The following CES5A variants were observed in gnomAD, a reference collection of about 807,000 sequenced individuals.
CES5A encodes the protein carboxylesterase 5.
In CES5A, 67 loss-of-function variants were observed where a neutral mutation model predicts 62.9. The ratio of observed to expected loss-of-function variants is 1.07; its 90% CI spans 0.88 to 1.31. The LOEUF (loss-of-function observed/expected upper bound fraction) is 1.31. Ranked by LOEUF, CES5A falls within the 50% of genes most tolerant of loss-of-function variation. The pLI is 0.00. For synonymous variants in CES5A, 296 were observed against 280.8 expected, an observed-to-expected ratio of 1.05 and a Z score of -0.54; for missense variants, 748 against 708.5, an observed-to-expected ratio of 1.06 and a Z score of -0.63.
chr16:55,853,318 GA>G (rs2033168565), intron 9 of CES5A, among the ~76,000 whole-genome samples: 1 of 152,190 alleles, frequency 6.6e-6, no homozygotes, highest in African/African-American at 2.4e-5. Flanking sequence ...TCATGTCTCA[GA>G]ATGAGTCACT....
intron 1 of CES5A, among the ~76,000 whole-genome samples, chr16:55,921,031 A>C (rs1296538867): frequency 6.6e-6 from 1 of 152,220 alleles, no homozygotes; most frequent in Non-Finnish European, 1.5e-5. Flanking sequence ...CAAAGGAAAG[A>C]TCAGTGAGCT....
intron 2 of CES5A, among the ~76,000 whole-genome samples, chr16:55,938,765 A>AAATATATAT (rs1567362288): frequency 2.6e-5 from 1 of 39,190 alleles, no homozygotes; most frequent in African/African-American, 1.1e-4. Flanking sequence ...AAAAAAAAAA[A>AAATATATAT]ATATATATAT....
In CES5A at chr16:55,873,876, A is replaced by C; in HGVS notation, c.235T>G (p.Ser79Ala). ...GCTTCTCGCAAGTTATCCCAGGGCG[A>C]TGCAGGCTGCGGGTTCGTAAATCGC... ...SLRFTNPQPA[S>A]PWDNLREATS... is the part of the protein sequence containing the mutation. The change falls in exon 2 of 13, where the codon TCG (serine) becomes GCG (alanine). Residue 79 changes from serine (S) to alanine (A), a missense_variant. Coordinates refer to ENST00000290567, the MANE Select transcript of CES5A (RefSeq NM_001143685.2). The C allele has an allele frequency of 6.2e-7, 1 of 1,613,736 alleles. No individual in the cohort carries two copies. The highest frequency in any genetic ancestry group is 8.5e-7 in the Non-Finnish European group (1 of 1,179,960).
At chr16:55,874,156 T>C (rs2033654023) in intron 1 of CES5A, 119 bp from the exon 2 acceptor site, 2 of 880,984 alleles carry the variant, frequency 2.3e-6, no homozygotes, top group African/African-American at 3.3e-5. Flanking sequence ...GTGCAGCTGG[T>C]GGTATCCAGG....
chr16:55,893,774 A>C (rs1041905267), intron 1 of CES5A, among the ~76,000 whole-genome samples: 4 of 152,340 alleles, frequency 2.6e-5, no homozygotes, highest in Non-Finnish European at 4.4e-5. Flanking sequence ...ATTGAAATCC[A>C]AAAGAGCAAA....
rs556115214 is a variant in CES5A, at chr16:55,870,117, A to G, written c.418-373T>C. Among the ~76,000 whole-genome samples the G allele has an allele frequency of 4.9e-4, 74 of 152,368 alleles. 1 individual carries two copies. The South Asian group carries it at 0.015, about 30-fold the overall frequency. On this transcript the variant is annotated intron_variant, in intron 3 of 12. Coordinates refer to ENST00000290567, the MANE Select transcript of CES5A (RefSeq NM_001143685.2). Reference sequence around the variant, plus strand: ...GAGCAATAGCACATTTCAAGTTTCAAGTGCTCAGAAATTGTTCACTAAATA... The same window carrying G: ...GAGCAATAGCACATTTCAAGTTTCAGGTGCTCAGAAATTGTTCACTAAATA...
At chr16:55,863,222 T>A (rs1269253655) in intron 6 of CES5A, 126 bp downstream of exon 6, 12 of 679,600 alleles carry the variant, frequency 1.8e-5, no homozygotes, top group Admixed American at 1.6e-4. Flanking sequence ...AGGTTCACCT[T>A]GGGCCAGCAT....
chr16:55,930,398 A>G (rs573232740), upstream of CES5A, among the ~76,000 whole-genome samples: 229 of 151,628 alleles, frequency 1.5e-3, 1 homozygote, highest in South Asian at 5.2e-3. Context: ...GATACCTTCC[A>G]CTCCCTGCCC....
At chr16:55,855,891 G>A (rs2033233475) in intron 9 of CES5A, among the ~76,000 whole-genome samples, 1 of 152,214 alleles carries the variant, frequency 6.6e-6, no homozygotes. Flanking sequence ...GGTGGGGCCT[G>A]ATGGGAGGTG....
intron 6 of CES5A, among the ~76,000 whole-genome samples, chr16:55,862,004 C>T (rs2033361384): frequency 1.3e-5 from 2 of 152,182 alleles, no homozygotes; most frequent in South Asian, 4.1e-4. Context: ...CCCAGGCCCA[C>T]TCACAGCCTG....
At chr16:55,948,435 C>G (rs185914090) in intron 2 of CES5A, among the ~76,000 whole-genome samples, 42 of 152,004 alleles carry the variant, frequency 2.8e-4, no homozygotes, top group African/African-American at 9.4e-4. Context: ...AGGAAGAAGT[C>G]GAATATAAAT....
At chr16:55,872,171 C>G (rs2033604283) in intron 2 of CES5A, among the ~76,000 whole-genome samples, 1 of 152,134 alleles carries the variant, frequency 6.6e-6, no homozygotes. Flanking sequence ...TATTCTGTCC[C>G]CAGATGCGCA....
chr16:55,915,824 T>A (rs1408963026), intron 1 of CES5A, among the ~76,000 whole-genome samples: 3 of 152,140 alleles, frequency 2.0e-5, no homozygotes, highest in Non-Finnish European at 4.4e-5. Flanking sequence ...TGATGATGGA[T>A]CACCATGGCC....
intron 1 of CES5A, 125 bp downstream of exon 1, chr16:55,875,024 T>C (rs2033668748): frequency 4.1e-6 from 4 of 977,410 alleles, no homozygotes; most frequent in Non-Finnish European, 5.0e-6. Flanking sequence ...ACTGATGCCA[T>C]CAAAGTACTA....
exon 1 of CES5A, chr16:55,955,880 A>C: frequency 6.5e-7 from 1 of 1,536,096 alleles, no homozygotes; most frequent in Non-Finnish European, 8.7e-7. Context: ...AAACCAGAAC[A>C]GCCATCAGAC....
intron 1 of CES5A, among the ~76,000 whole-genome samples, chr16:55,915,661 C>T (rs2034141331): frequency 6.6e-6 from 1 of 152,126 alleles, no homozygotes; most frequent in Admixed American, 6.5e-5. Context: ...TCATTCACTC[C>T]CCCAGGCGAC....
chr16:55,873,596 G>A (rs1485985507), intron 2 of CES5A, among the ~76,000 whole-genome samples: 3 of 152,194 alleles, frequency 2.0e-5, no homozygotes, highest in Admixed American at 2.0e-4. Flanking sequence ...TTCTGATTCA[G>A]AAAGTTCAGA....
At chr16:55,940,149 A>C (rs917620195) in intron 2 of CES5A, among the ~76,000 whole-genome samples, 2 of 152,116 alleles carry the variant, frequency 1.3e-5, no homozygotes, top group African/African-American at 4.8e-5. Context: ...AAGAAGAGTA[A>C]AACAAAACCA....
Position 55,863,553 on chromosome 16 carries a change from A to T in CES5A, c.706-101T>A, listed in dbSNP as rs1479010207. ...AACCTTCCCAGGAAGCCTCCTTAAAAGCTCTAAGCTTAGAGGGGAAAAAAG... is the reference window on the plus strand; with the variant it reads ...AACCTTCCCAGGAAGCCTCCTTAAATGCTCTAAGCTTAGAGGGGAAAAAAG... On this transcript the variant is annotated intron_variant, in intron 5 of 12. Coordinates refer to ENST00000290567, the MANE Select transcript of CES5A (RefSeq NM_001143685.2). The T allele has an allele frequency of 1.1e-5, 8 of 724,620 alleles. No homozygotes were observed. The African/African-American group carries it at 1.2e-4, about 11-fold the overall frequency. 44.9% of individuals were successfully genotyped at this position (724,620 alleles called of 1,614,324 possible).
Sources: gnomAD v4.1 joint callset for allele counts (sites outside exome capture counted in the v4.1 genomes callset) on GRCh38, gnomAD v4.1.1 for gene constraint, MANE v1.5 for transcripts, NCBI Gene and HGNC (gene_info 2026-07-23, HGNC 2026-07-21) for gene names.